CDH13: variants seen among roughly 807,000 people sequenced by gnomAD.
The protein encoded by CDH13 is cadherin 13, also known as cadherin-13.
In CDH13, 24 loss-of-function variants were observed where a neutral mutation model predicts 63.8. That is an observed-to-expected ratio of 0.38 (90% CI 0.27 to 0.53). The LOEUF is 0.53. Among genes scored for constraint, CDH13 ranks in the 20% least tolerant of loss-of-function variants. The probability of loss-of-function intolerance (pLI) is 0.85; values close to 1 mark genes in which losing one functional copy is unlikely to be tolerated. For synonymous variants in CDH13, 503 were observed against 355.3 expected, an observed-to-expected ratio of 1.42 and a Z score of -4.67; for missense variants, 1,049 against 903.1, an observed-to-expected ratio of 1.16 and a Z score of -2.07.
chr16:83,250,025 G>C (rs1905339327), intron 5 of CDH13, among the ~76,000 whole-genome samples: 1 of 152,190 alleles, frequency 6.6e-6, no homozygotes, highest in Non-Finnish European at 1.5e-5. Context: ...TGTAATGAGA[G>C]ACAACAGATC....
At chr16:83,659,919 G>A (rs957073118) in intron 8 of CDH13, among the ~76,000 whole-genome samples, 6 of 151,300 alleles carry the variant, frequency 4.0e-5, no homozygotes, top group South Asian at 2.1e-4. Flanking sequence ...CCCAAGTAGC[G>A]GGGACTACAG....
intron 1 of CDH13, among the ~76,000 whole-genome samples, chr16:82,671,563 C>A (rs779146127): frequency 1.3e-5 from 2 of 152,180 alleles, no homozygotes; most frequent in East Asian, 1.9e-4. Flanking sequence ...AATTTACTAA[C>A]CTAGTCTTCA....
chr16:83,348,932 A>G (rs114964749), intron 6 of CDH13, among the ~76,000 whole-genome samples: 219 of 152,324 alleles, frequency 1.4e-3, no homozygotes, highest in African/African-American at 5.0e-3. Context: ...AAAGAGACAC[A>G]TGAGTTGTGT....
chr16:83,083,157 A>G (rs1050001336), intron 3 of CDH13, among the ~76,000 whole-genome samples: 1 of 152,222 alleles, frequency 6.6e-6, no homozygotes, highest in Non-Finnish European at 1.5e-5. Context: ...TCCCATAACA[A>G]AAGTAATACC....
intron 5 of CDH13, among the ~76,000 whole-genome samples, chr16:83,296,030 T>G (rs2089588488): frequency 6.6e-6 from 1 of 152,208 alleles, no homozygotes; most frequent in Non-Finnish European, 1.5e-5. Context: ...CTCTGGTCAT[T>G]GAATGAAATC....
At chr16:83,316,167 A>G (rs1344581822) in intron 5 of CDH13, among the ~76,000 whole-genome samples, 1 of 152,182 alleles carries the variant, frequency 6.6e-6, no homozygotes, top group Non-Finnish European at 1.5e-5. Flanking sequence ...GACTATCACA[A>G]GAAGAGCATG....
intron 5 of CDH13, among the ~76,000 whole-genome samples, chr16:83,334,674 C>T (rs967622293): frequency 6.6e-6 from 1 of 152,166 alleles, no homozygotes; most frequent in Non-Finnish European, 1.5e-5. Flanking sequence ...CCATACCTGG[C>T]CCAATCTCTG....
intron 4 of CDH13, among the ~76,000 whole-genome samples, chr16:83,152,031 G>A (rs993088533): frequency 6.6e-6 from 1 of 151,940 alleles, no homozygotes; most frequent in Non-Finnish European, 1.5e-5. Context: ...AGAATATTTA[G>A]GATTTAGTCT....
chr16:83,275,194 A>C (rs1227941723), intron 5 of CDH13, among the ~76,000 whole-genome samples: 1 of 152,230 alleles, frequency 6.6e-6, no homozygotes, highest in Non-Finnish European at 1.5e-5. Context: ...TATGATGTTC[A>C]AGGCCTTAAG....
intron 6 of CDH13, among the ~76,000 whole-genome samples, chr16:83,397,081 C>T (rs1034253601): frequency 8.5e-5 from 13 of 152,122 alleles, no homozygotes; most frequent in Non-Finnish European, 1.8e-4. Flanking sequence ...CCTGGCTTTC[C>T]TGATCTCACC....
At position 83,697,964 on chromosome 16, in the gene CDH13, G is replaced by A. The variant is rs541865871; in HGVS notation, c.1538+19503G>A. Among the ~76,000 whole-genome samples, 3 of 152,268 alleles carry A rather than the reference G, an allele frequency of 2.0e-5. No individual in the cohort carries two copies. The South Asian group carries it at 6.2e-4, about 32-fold the overall frequency. Reference sequence around the variant, plus strand: ...CACCCAGCCTACAGTAGTTTTATAGGACATAGCTATGGTGAGTAACAAAGA... The same window carrying A: ...CACCCAGCCTACAGTAGTTTTATAGAACATAGCTATGGTGAGTAACAAAGA... On this transcript the variant is annotated intron_variant, in intron 10 of 13. Coordinates refer to ENST00000567109, the MANE Select transcript of CDH13 (RefSeq NM_001257.5).
At chr16:83,653,652 AAATGAAG>A (rs1912598619) in intron 8 of CDH13, among the ~76,000 whole-genome samples, 2 of 152,228 alleles carry the variant, frequency 1.3e-5, no homozygotes, top group South Asian at 4.1e-4. Context: ...CCCAGGAGGT[AAATGAAG>A]AATCAATCTG....
At chr16:83,162,147 A>G (rs1052950934) in intron 4 of CDH13, among the ~76,000 whole-genome samples, 10 of 152,194 alleles carry the variant, frequency 6.6e-5, no homozygotes, top group African/African-American at 2.2e-4. Flanking sequence ...AGCTCATCAT[A>G]TAACCAAGTA....
intron 1 of CDH13, among the ~76,000 whole-genome samples, chr16:82,820,234 T>A (rs2037939440): frequency 6.6e-6 from 1 of 152,118 alleles, no homozygotes; most frequent in South Asian, 2.1e-4. Flanking sequence ...TAGTCAATAG[T>A]GAATGGAAAG....
intron 8 of CDH13, among the ~76,000 whole-genome samples, chr16:83,647,541 T>C (rs1237452250): frequency 1.3e-5 from 2 of 152,194 alleles, no homozygotes; most frequent in Non-Finnish European, 2.9e-5. Flanking sequence ...TGCATGCGTG[T>C]GTGTGTTGAA....
At chr16:83,362,472 T>C (rs925843032) in intron 6 of CDH13, among the ~76,000 whole-genome samples, 1 of 152,212 alleles carries the variant, frequency 6.6e-6, no homozygotes. Flanking sequence ...ACAAATGACA[T>C]TTTTGCTCCT....
chr16:83,420,981 C>A (rs1353275593), intron 6 of CDH13, among the ~76,000 whole-genome samples: 1 of 152,200 alleles, frequency 6.6e-6, no homozygotes, highest in Middle Eastern at 3.2e-3. Context: ...CTGCTTTGTT[C>A]TAGCCATGCC....
intron 6 of CDH13, among the ~76,000 whole-genome samples, chr16:83,348,287 A>G (rs1157852905): frequency 6.6e-6 from 1 of 152,236 alleles, no homozygotes; most frequent in African/African-American, 2.4e-5. Flanking sequence ...AGCTGGGGGA[A>G]GTATTTGTGC....
intron 2 of CDH13, among the ~76,000 whole-genome samples, chr16:82,984,945 A>T (rs1046988208): frequency 1.3e-5 from 2 of 152,072 alleles, no homozygotes; most frequent in Admixed American, 1.3e-4. Flanking sequence ...CAATATTCCT[A>T]CTTAGCTGCT....
Sources: allele counts gnomAD v4.1 joint callset (sites outside exome capture counted in the v4.1 genomes callset), GRCh38; gene constraint gnomAD v4.1.1; transcripts MANE v1.5; gene names NCBI Gene and HGNC (gene_info 2026-07-23, HGNC 2026-07-21).